The following RELN variants were observed in gnomAD, a reference collection of about 807,000 sequenced individuals.
The protein encoded by RELN is reelin.
RELN carries 108 observed loss-of-function variants against 427.6 expected under a neutral mutation model. The observed-to-expected ratio is 0.25, with a 90% CI of 0.22 to 0.30. RELN has a LOEUF of 0.30. Among genes scored for constraint, RELN ranks in the 10% least tolerant of loss-of-function variants. The pLI is 1.00. For synonymous variants in RELN, 1,524 were observed against 1,513.4 expected, an observed-to-expected ratio of 1.01 and a Z score of -0.16; for missense variants, 3,715 against 4,302.8, an observed-to-expected ratio of 0.86 and a Z score of 3.82.
At position 103,556,205 on chromosome 7, in the gene RELN, C is replaced by G. The variant is rs117316287; in HGVS notation, c.5797+772G>C. ...TGCTTGGTCTAAGTCCCTCTCACTT[C>G]GTCATGGCATTTTGCTATAGTATTC... On this transcript the variant is annotated intron_variant, in intron 38 of 64. Transcript: ENST00000428762. Among the ~76,000 whole-genome samples the G allele has an allele frequency of 9.2e-5, 14 of 152,240 alleles. No homozygotes were observed. The South Asian group carries it at 2.5e-3, about 27-fold the overall frequency.
At chr7:103,948,656 A>G (rs1161789508) in intron 1 of RELN, among the ~76,000 whole-genome samples, 1 of 152,130 alleles carries the variant, frequency 6.6e-6, no homozygotes, top group African/African-American at 2.4e-5. Context: ...CTGGCAACAG[A>G]GTGGGACTCC....
intron 3 of RELN, among the ~76,000 whole-genome samples, chr7:103,798,008 C>G (rs1044005751): frequency 4.6e-5 from 7 of 152,146 alleles, no homozygotes; most frequent in African/African-American, 1.7e-4. Context: ...TCTACATGCA[C>G]TGTGATTTGT....
rs1253540305 is a variant in RELN at position 103,569,484 on chromosome 7, T to C, written c.4588+2700A>G. 2.0e-5 allele frequency among the ~76,000 whole-genome samples: 3 copies of C among 152,262 alleles called. No homozygotes were observed. Among genetic ancestry groups the C allele is most frequent in the African/African-American group, 7.2e-5 (3 of 41,470 alleles). On this transcript the variant is annotated intron_variant, in intron 31 of 64. Transcript: ENST00000428762. The surrounding 1 kb of genome is among the most constrained non-coding windows in gnomAD (Gnocchi z 4.0). ...CTTAGTTGTGGAATAATTTGTTATG[T>C]AGCATACCACTCCAATCCTACTAAA...
chr7:103,775,848 T>A (rs17155888), intron 4 of RELN, among the ~76,000 whole-genome samples: 62,638 of 152,010 alleles, frequency 0.41, 13,060 homozygotes, highest in Middle Eastern at 0.51. Flanking sequence ...ATAGTCCCCA[T>A]ACTTGAGAAG....
rs28673333 is a variant in RELN at position 103,978,579 on chromosome 7, G to A, written c.226+10552C>T. ...TAGATGGTACAGGACAAACTTGTTC[G>A]GATGAGCAAAAATCACTAAGCAATA... On this transcript the variant is annotated intron_variant, in intron 1 of 64. Coordinates refer to ENST00000428762, the MANE Select transcript of RELN (RefSeq NM_005045.4). 5.7e-3 allele frequency among the ~76,000 whole-genome samples: 863 copies of A among 152,202 alleles called. 13 individuals are homozygous for A. Among genetic ancestry groups the A allele is most frequent in the African/African-American group, 0.02 (825 of 41,526 alleles).
In RELN at chr7:103,774,141, C is replaced by T. The variant is rs145882111; in HGVS notation, c.544+2416G>A. 1.2e-4 allele frequency among the ~76,000 whole-genome samples: 18 copies of T among 151,694 alleles called. No individual in the cohort carries two copies. The East Asian group carries it at 3.5e-3, about 30-fold the overall frequency. ...TGAAACCTCGTCTCTACTAAAAATA[C>T]AAAAAATTAGCCGGGTGCAGTGGCA... On this transcript the variant is annotated intron_variant, in intron 4 of 64. Transcript: ENST00000428762.
chr7:103,924,973 T>C (rs1337557815), intron 1 of RELN, among the ~76,000 whole-genome samples: 1 of 143,286 alleles, frequency 7.0e-6, no homozygotes, highest in Admixed American at 7.1e-5. Flanking sequence ...CTGACACACG[T>C]GTGCATGCGC....
intron 20 of RELN, among the ~76,000 whole-genome samples, chr7:103,625,220 T>C (rs1832304224): frequency 6.6e-6 from 1 of 152,224 alleles, no homozygotes; most frequent in Non-Finnish European, 1.5e-5. Context: ...CAAAATACTT[T>C]CTATGATAAC....
At chr7:103,833,051 T>C (rs1207985237) in intron 3 of RELN, among the ~76,000 whole-genome samples, 1 of 152,170 alleles carries the variant, frequency 6.6e-6, no homozygotes, top group Non-Finnish European at 1.5e-5. Context: ...ATGTTTACAT[T>C]TGGGATGATT....
intron 57 of RELN, 72 bp downstream of exon 57, chr7:103,495,651 C>T: frequency 7.3e-7 from 1 of 1,375,866 alleles, no homozygotes; most frequent in South Asian, 1.2e-5. Context: ...TTATAGTTGT[C>T]TGACTAACCA....
At chr7:103,720,035 T>C (rs1790036803) in intron 8 of RELN, among the ~76,000 whole-genome samples, 1 of 152,016 alleles carries the variant, frequency 6.6e-6, no homozygotes, top group African/African-American at 2.4e-5. Flanking sequence ...TATATATATG[T>C]ATGTGTGTGT....
chr7:103,713,450 A>C (rs1789855083), intron 8 of RELN, among the ~76,000 whole-genome samples: 1 of 152,128 alleles, frequency 6.6e-6, no homozygotes, highest in Non-Finnish European at 1.5e-5. Context: ...GGTTGCAGTG[A>C]GTGGAAAGAG....
chr7:103,582,341 T>C (rs1284019331), intron 28 of RELN, among the ~76,000 whole-genome samples: 2 of 152,230 alleles, frequency 1.3e-5, no homozygotes, highest in East Asian at 1.9e-4. Context: ...AACTAAAGCA[T>C]ATGGCAAGTC....
intron 11 of RELN, among the ~76,000 whole-genome samples, chr7:103,675,192 C>T (rs1445903184): frequency 2.0e-5 from 3 of 152,206 alleles, no homozygotes. Context: ...AGCAAAGACT[C>T]AGCATACAAA....
At chr7:103,978,693 C>T (rs1049859256) in intron 1 of RELN, among the ~76,000 whole-genome samples, 10 of 152,172 alleles carry the variant, frequency 6.6e-5, no homozygotes, top group Admixed American at 5.9e-4. Context: ...AGATAGCTAT[C>T]CCCTGGGTAC....
intron 1 of RELN, among the ~76,000 whole-genome samples, chr7:103,975,992 C>G (rs1796871835): frequency 6.6e-6 from 1 of 152,022 alleles, no homozygotes; most frequent in South Asian, 2.1e-4. Flanking sequence ...TGCAAAAGTC[C>G]TGAGGTGGAT....
In RELN at chr7:103,589,626, G is replaced by C; in HGVS notation, c.4115C>G (p.Thr1372Ser). ...TGDFEEWTRITIVIPRSLASS... is the reference protein window; with the variant it reads ...TGDFEEWTRISIVIPRSLASS... ...TGCAAGAGACCTTGGAATAACAATG[G>C]TGATTCTTGTCCATTCTTCAAAGTC... The change falls in exon 28 of 65, where the codon ACC becomes AGC. Residue 1372 changes from threonine to serine, a missense_variant. Thr to Ser is a moderately conservative substitution (Grantham distance 58). Around this residue, in one of 4 missense-constraint regions of RELN, gnomAD observed 2,208 missense variants for 2,361.7 expected, o/e 0.93. Coordinates refer to ENST00000428762, the MANE Select transcript of RELN (RefSeq NM_005045.4). The C allele has an allele frequency of 1.2e-6, 2 of 1,613,658 alleles. No individual in the cohort carries two copies. The highest frequency in any genetic ancestry group is 1.7e-6 in the Non-Finnish European group (2 of 1,179,598).
At chr7:103,572,864 A>G (rs1830915058) in intron 30 of RELN, among the ~76,000 whole-genome samples, 1 of 152,230 alleles carries the variant, frequency 6.6e-6, no homozygotes, top group African/African-American at 2.4e-5. Context: ...TTTTAAAATT[A>G]TACTTTAGTT....
intron 28 of RELN, among the ~76,000 whole-genome samples, chr7:103,576,931 C>T (rs190366682): frequency 8.5e-5 from 13 of 152,120 alleles, no homozygotes; most frequent in Admixed American, 2.0e-4. Flanking sequence ...TCTTTTCCAA[C>T]ATATGGAAAC....
Sources: allele counts gnomAD v4.1 joint callset (sites outside exome capture counted in the v4.1 genomes callset), GRCh38; gene constraint gnomAD v4.1.1; regional missense constraint gnomAD v4.1.1; non-coding constraint Gnocchi (gnomAD v3.1); transcripts MANE v1.5; gene names NCBI Gene and HGNC (gene_info 2026-07-23, HGNC 2026-07-21).